Variants in PLCH1 observed in about 807,000 individuals in gnomAD.
PLCH1 encodes the protein 1-phosphatidylinositol 4,5-bisphosphate phosphodiesterase eta-1.
A neutral mutation model predicts 126.7 loss-of-function variants in PLCH1; 60 were observed. The ratio of observed to expected loss-of-function variants is 0.47; its 90% CI spans 0.38 to 0.59. The LOEUF (loss-of-function observed/expected upper bound fraction) is 0.59, where lower values mean the gene tolerates loss of function less well. Ranked by LOEUF, PLCH1 falls within the 20% of genes least tolerant of loss-of-function variation. PLCH1 has a pLI of 0.00. For missense variants in PLCH1, 1,723 were observed against 2,040.0 expected, an observed-to-expected ratio of 0.84 and a Z score of 2.99; for synonymous variants, 719 against 734.9, an observed-to-expected ratio of 0.98 and a Z score of 0.35.
intron 12 of PLCH1, among the ~76,000 whole-genome samples, chr3:155,506,291 C>A (rs184225840): frequency 2.0e-5 from 3 of 151,592 alleles, no homozygotes; most frequent in East Asian, 3.9e-4. Context: ...AGCTACAAGT[C>A]CTCTCTCTGG....
At chr3:155,571,392 A>T (rs922958934) in intron 6 of PLCH1, among the ~76,000 whole-genome samples, 9 of 152,214 alleles carry the variant, frequency 5.9e-5, no homozygotes, top group Admixed American at 2.6e-4. Flanking sequence ...ATATTTCTAG[A>T]TATTTCTTTT....
chr3:155,682,454 A>G (rs542393913), intron 2 of PLCH1, among the ~76,000 whole-genome samples: 1 of 152,348 alleles, frequency 6.6e-6, no homozygotes, highest in Non-Finnish European at 1.5e-5. Flanking sequence ...ACAAAAGTGT[A>G]TGCAATGTAC....
intron 2 of PLCH1, among the ~76,000 whole-genome samples, chr3:155,617,847 G>GT (rs1735982546): frequency 6.6e-6 from 1 of 152,246 alleles, no homozygotes; most frequent in African/African-American, 2.4e-5. Flanking sequence ...CTAACCTGTG[G>GT]TAAGTAAAGA....
At chr3:155,521,147 TC>T (rs888897056) in intron 11 of PLCH1, among the ~76,000 whole-genome samples, 2 of 152,152 alleles carry the variant, frequency 1.3e-5, no homozygotes, top group African/African-American at 2.4e-5. Context: ...TTTCAATAGA[TC>T]CCTTACATAT....
At chr3:155,489,153 T>C (rs1179606332) in intron 19 of PLCH1, among the ~76,000 whole-genome samples, 1 of 152,162 alleles carries the variant, frequency 6.6e-6, no homozygotes, top group East Asian at 1.9e-4. Flanking sequence ...GACAAAACAA[T>C]AAAGAATGAT....
At chr3:155,566,589 A>G (rs1728571859) in intron 7 of PLCH1, among the ~76,000 whole-genome samples, 1 of 151,994 alleles carries the variant, frequency 6.6e-6, no homozygotes, top group African/African-American at 2.4e-5. Flanking sequence ...TAGTTAAGGT[A>G]GTAAGCCAAA....
At chr3:155,523,859 T>C (rs751558423) in intron 11 of PLCH1, 38 bp downstream of exon 11, 8 of 1,164,888 alleles carry the variant, frequency 6.9e-6, no homozygotes, top group Admixed American at 2.0e-5. Context: ...TAATACAGCA[T>C]ATCAAGGATA....
chr3:155,712,265 T>C (rs530369345), intron 1 of PLCH1, among the ~76,000 whole-genome samples: 5 of 152,340 alleles, frequency 3.3e-5, no homozygotes, highest in Middle Eastern at 3.4e-3. Flanking sequence ...GACTCAATAT[T>C]TTCTTTCTTG....
At chr3:155,676,340 G>T in intron 2 of PLCH1, 1 of 1,078,108 alleles carries the variant, frequency 9.3e-7, no homozygotes, top group Non-Finnish European at 1.1e-6. Context: ...GCTATTGTGG[G>T]AATGCAGGCG....
intron 1 of PLCH1, among the ~76,000 whole-genome samples, chr3:155,730,715 C>T (rs1422790903): frequency 6.6e-6 from 1 of 152,080 alleles, no homozygotes; most frequent in Non-Finnish European, 1.5e-5. Context: ...GCTAAGGAAA[C>T]CAGGTAAGAG....
chr3:155,730,734 A>T (rs1026763404), intron 1 of PLCH1, among the ~76,000 whole-genome samples: 8 of 152,262 alleles, frequency 5.3e-5, no homozygotes, highest in Non-Finnish European at 8.8e-5. Flanking sequence ...AGATCATGAG[A>T]TCATAGCACC....
At chr3:155,739,327 A>G (rs1306603041) in intron 1 of PLCH1, among the ~76,000 whole-genome samples, 1 of 152,264 alleles carries the variant, frequency 6.6e-6, no homozygotes, top group Non-Finnish European at 1.5e-5. Flanking sequence ...TTAGGATGTC[A>G]GAAAGCACAC....
chr3:155,501,991 A>T (rs1204964107), intron 13 of PLCH1, among the ~76,000 whole-genome samples: 4 of 150,828 alleles, frequency 2.7e-5, no homozygotes, highest in Non-Finnish European at 5.9e-5. Context: ...CACCTTCTAG[A>T]TTTTCTCATG....
chr3:155,731,476 C>T (rs1284731818), intron 1 of PLCH1, among the ~76,000 whole-genome samples: 2 of 152,164 alleles, frequency 1.3e-5, no homozygotes. Flanking sequence ...TCAGATGCAA[C>T]GTCTGCCCAC....
chr3:155,485,790 G>T, intron 21 of PLCH1, 80 bp from the exon 22 acceptor site: 1 of 853,058 alleles, frequency 1.2e-6, no homozygotes, highest in Non-Finnish European at 1.8e-6. Context: ...ACAGCTCCAT[G>T]AAAAATGAAT....
At position 155,598,694 on chromosome 3, in the gene PLCH1, G is replaced by A. The variant is rs73874859; in HGVS notation, c.80-2316C>T. Among the ~76,000 whole-genome samples the A allele has an allele frequency of 4.0e-3, 607 of 152,212 alleles. 6 individuals carry two copies. Among genetic ancestry groups the A allele is most frequent in the African/African-American group, 0.014 (580 of 41,534 alleles). ...ATTCCAGATCTGCCACTTACTAACT[G>A]TATGACTACATACAGCTAGTAACTC... is the stretch of plus-strand genomic sequence containing the variant. On this transcript the variant is annotated intron_variant, in intron 2 of 22. Coordinates refer to ENST00000460012, the MANE Select transcript of PLCH1 (RefSeq NM_014996.4).
chr3:155,596,195 T>G (rs377426612), intron 3 of PLCH1, 37 bp downstream of exon 3: 5 of 1,557,880 alleles, frequency 3.2e-6, no homozygotes, highest in Non-Finnish European at 4.4e-6. Context: ...TGTGTTACTA[T>G]GTCCAGCCAA....
intron 2 of PLCH1, among the ~76,000 whole-genome samples, chr3:155,671,953 T>C (rs1743502470): frequency 6.6e-6 from 1 of 152,304 alleles, no homozygotes; most frequent in East Asian, 1.9e-4. Flanking sequence ...AATAGTTCTA[T>C]AATATTGTGT....
chr3:155,585,663 G>C (rs1731264391), intron 5 of PLCH1, among the ~76,000 whole-genome samples: 1 of 152,138 alleles, frequency 6.6e-6, no homozygotes, highest in African/African-American at 2.4e-5. Flanking sequence ...ACTAAATCCT[G>C]AACTCCTCAG....
Sources: allele counts gnomAD v4.1 joint callset (sites outside exome capture counted in the v4.1 genomes callset), GRCh38; gene constraint gnomAD v4.1.1; transcripts MANE v1.5; gene names NCBI Gene and HGNC (gene_info 2026-07-23, HGNC 2026-07-21).